Variants in ZNF529 observed in about 807,000 individuals in gnomAD.
The protein encoded by ZNF529 is zinc finger protein 529.
In ZNF529, 11 loss-of-function variants were observed where a neutral mutation model predicts 10.1. The ratio of observed to expected loss-of-function variants is 1.09; its 90% CI spans 0.69 to 1.81. The LOEUF (loss-of-function observed/expected upper bound fraction) is 1.81. ZNF529 is among the 40% of genes most tolerant of loss of function. ZNF529 has a pLI of 0.00. For missense variants in ZNF529, 624 were observed against 666.8 expected (o/e 0.94, Z 0.71); for synonymous variants, 204 against 215.7 (o/e 0.95, Z 0.47).
In ZNF529 at chr19:36,554,620, T is replaced by C. The variant is rs1395522331; in HGVS notation, c.235+50A>G. 5 of 1,394,426 alleles carry C rather than the reference T, an allele frequency of 3.6e-6. No homozygotes were observed. In the East Asian group the frequency reaches 1.1e-4, roughly 30 times the overall value. 86.4% of individuals were successfully genotyped at this position (1,394,426 alleles called of 1,614,324 possible). ...TAGCCTTGAGTTCACTGAATATCAGTTGATAGTCTAGAGAGTATATTCTAA... is the reference window on the plus strand; with the variant it reads ...TAGCCTTGAGTTCACTGAATATCAGCTGATAGTCTAGAGAGTATATTCTAA... On this transcript the variant is annotated intron_variant, in intron 4 of 4. Transcript: ENST00000591340.
At chr19:36,598,698 TCA>T (rs1419558106) in intron 1 of ZNF529, among the ~76,000 whole-genome samples, 1 of 152,104 alleles carries the variant, frequency 6.6e-6, no homozygotes, top group African/African-American at 2.4e-5. Flanking sequence ...ACCTTGTACC[TCA>T]CAGAGTTGTC....
chr19:36,566,934 C>T (rs372654710), intron 2 of ZNF529, among the ~76,000 whole-genome samples: 5 of 151,356 alleles, frequency 3.3e-5, no homozygotes, highest in Admixed American at 1.3e-4. Flanking sequence ...GCAGGAGAAG[C>T]GCTGGAAGGA....
rs1600320433 is a variant in ZNF529 at position 36,573,247 on chromosome 19, C to G, written c.-154G>C. 3 of 312,150 alleles carry G rather than the reference C, an allele frequency of 9.6e-6. No homozygotes were observed. The highest frequency in any genetic ancestry group is 6.6e-6 in the Non-Finnish European group (1 of 151,332). The allele number at this position is 312,150 out of a possible 1,614,324, so 19.3% of individuals were successfully genotyped here. A position where few individuals can be genotyped will look rare whatever the true frequency, so the allele number is the denominator to read the frequency against. On this transcript the variant is annotated 5_prime_UTR_variant, in exon 1 of 5. Coordinates refer to ENST00000591340, the MANE Select transcript of ZNF529 (RefSeq NM_020951.5). ...ACCTCACCGCGAGCTCCTCCCGCAG[C>G]CCGGCCCGGGTCACCTCGACTCGCC...
intron 1 of ZNF529, among the ~76,000 whole-genome samples, chr19:36,602,883 T>C (rs543745332): frequency 6.8e-6 from 1 of 147,564 alleles, no homozygotes; most frequent in South Asian, 2.1e-4. Flanking sequence ...TGAGCCAAGA[T>C]CGCACCATTG....
intron 2 of ZNF529, among the ~76,000 whole-genome samples, chr19:36,568,044 G>A (rs1383688822): frequency 6.6e-6 from 1 of 152,082 alleles, no homozygotes; most frequent in African/African-American, 2.4e-5. Flanking sequence ...TGAACAAATG[G>A]TCAACAAGTA....
rs2034949788 is a variant in ZNF529, at chr19:36,544,773, C to G, written c.*2093G>C. ...TAAGCAATACTTACATAAAACATAG[C>G]TCAATATATCAGATGAGAAAATGGC... On this transcript the variant is annotated 3_prime_UTR_variant, in exon 5 of 5. Coordinates refer to ENST00000591340, the MANE Select transcript of ZNF529 (RefSeq NM_020951.5). The G allele has an allele frequency of 6.6e-6, 1 of 152,134 alleles. No individual in the cohort carries two copies. The highest frequency in any genetic ancestry group is 2.1e-4 in the South Asian group (1 of 4,818). 9.4% of individuals were successfully genotyped at this position (152,134 alleles called of 1,614,324 possible). A position where few individuals can be genotyped will look rare whatever the true frequency, so the allele number is the denominator to read the frequency against.
Position 36,547,735 on chromosome 19 carries a change from C to G in ZNF529, c.823G>C (p.Val275Leu). ...RVGKVTPLQRVHDGEKHFECS... is the reference protein window; with the variant it reads ...RVGKVTPLQRLHDGEKHFECS... The stretch of plus-strand genomic sequence containing the variant: ...TCAAAGTGTTTCTCACCATCATGAA[C>G]TCTTTGAAGTGGAGTAACTTTTCCA... Residue 275 changes from valine to leucine, a missense_variant, in exon 5 of 5, where the codon GTT becomes CTT. Val to Leu is a conservative substitution (Grantham distance 32). Coordinates refer to ENST00000591340, the MANE Select transcript of ZNF529 (RefSeq NM_020951.5). 1 of 1,613,836 alleles carries G rather than the reference C, an allele frequency of 6.2e-7. No individual in the cohort carries two copies. Among genetic ancestry groups the G allele is most frequent in the Non-Finnish European group, 8.5e-7 (1 of 1,179,818 alleles).
At chr19:36,598,791 A>G (rs909618559) in intron 1 of ZNF529, among the ~76,000 whole-genome samples, 5 of 152,180 alleles carry the variant, frequency 3.3e-5, no homozygotes, top group African/African-American at 1.2e-4. Context: ...AATAAATATC[A>G]TCTATTTGTA....
chr19:36,578,592 A>G (rs2036393126), intron 2 of ZNF529, among the ~76,000 whole-genome samples: 1 of 150,132 alleles, frequency 6.7e-6, no homozygotes, highest in East Asian at 2.0e-4. Flanking sequence ...GGCATGAGCC[A>G]CTGCACTCCA....
At chr19:36,569,924 G>A (rs1277406683) in intron 2 of ZNF529, among the ~76,000 whole-genome samples, 2 of 152,170 alleles carry the variant, frequency 1.3e-5, no homozygotes, top group African/African-American at 2.4e-5. Context: ...GTATATCTGA[G>A]GTCTTAGCCA....
intron 2 of ZNF529, among the ~76,000 whole-genome samples, chr19:36,569,538 G>A (rs1275204951): frequency 6.6e-6 from 1 of 152,086 alleles, no homozygotes; most frequent in Non-Finnish European, 1.5e-5. Flanking sequence ...GCTGAGGCGG[G>A]CAAACAACAC....
intron 2 of ZNF529, among the ~76,000 whole-genome samples, chr19:36,583,523 C>T (rs112173755): frequency 0.01 from 1,466 of 145,330 alleles, 28 homozygotes; most frequent in African/African-American, 0.036. Flanking sequence ...ACAAAGCATA[C>T]CTCTGCCCCA....
chr19:36,547,677 T>C lies in ZNF529; in HGVS notation c.881A>G (p.His294Arg). 1 of 1,613,928 alleles carries C rather than the reference T, an allele frequency of 6.2e-7. No homozygotes were observed. The highest frequency in any genetic ancestry group is 8.5e-7 in the Non-Finnish European group (1 of 1,179,842). Residue 294 changes from histidine to arginine, a missense_variant, in exon 5 of 5, where the codon CAT becomes CGT. By Grantham distance (29) the His-to-Arg change is conservative. Coordinates refer to ENST00000591340, the MANE Select transcript of ZNF529 (RefSeq NM_020951.5). Reference protein sequence around the residue: ...CSFCGKSFRVHAQLTRHQKIH... With the variant: ...CSFCGKSFRVRAQLTRHQKIH... ...TTTCTGATGTCGAGTAAGTTGTGCA[T>C]GCACTCTAAAGGATTTCCCACAGAA...
At chr19:36,556,825 CAG>C (rs1410689869) in intron 2 of ZNF529, among the ~76,000 whole-genome samples, 3 of 152,174 alleles carry the variant, frequency 2.0e-5, no homozygotes, top group Non-Finnish European at 2.9e-5. Flanking sequence ...GGCCATAGAA[CAG>C]AGAGTTCTGT....
chr19:36,574,800 G>A (rs1021236728), upstream of ZNF529: 2 of 470,450 alleles, frequency 4.3e-6, no homozygotes, highest in Non-Finnish European at 4.4e-6. Context: ...TTCTGTTGTT[G>A]AACATTTGGC....
chr19:36,592,102 C>A (rs1173498404), intron 1 of ZNF529, among the ~76,000 whole-genome samples: 2 of 151,050 alleles, frequency 1.3e-5, no homozygotes, highest in African/African-American at 4.9e-5. Flanking sequence ...TGGTGAAACC[C>A]TGTCTCTACT....
intron 2 of ZNF529, among the ~76,000 whole-genome samples, chr19:36,568,917 T>C (rs910878007): frequency 6.6e-5 from 10 of 152,166 alleles, no homozygotes; most frequent in African/African-American, 4.8e-5. Context: ...ATAAGATCAG[T>C]ATGCAAAACT....
Position 36,547,173 on chromosome 19 carries a change from G to A in ZNF529, c.1385C>T (p.Thr462Met), listed in dbSNP as rs377492229. The A allele has an allele frequency of 1.9e-5, 31 of 1,612,406 alleles. No homozygotes were observed. Among genetic ancestry groups the A allele is most frequent in the Middle Eastern group, 1.6e-4 (1 of 6,064 alleles). Residue 462 changes from threonine to methionine, a missense_variant, in exon 5 of 5, where the codon ACG (threonine) becomes ATG (methionine). Coordinates refer to ENST00000591340, the MANE Select transcript of ZNF529 (RefSeq NM_020951.5). Reference sequence around the variant, plus strand: ...TCTTTGATGTTGAATAAGGGCTGACGTAAGTCTAAAGAACTTTCCACACTC... The same window carrying A: ...TCTTTGATGTTGAATAAGGGCTGACATAAGTCTAAAGAACTTTCCACACTC... ...CKECGKFFRL[T>M]SALIQHQRIH...
At chr19:36,578,104 A>G (rs1355842684), upstream of ZNF529, among the ~76,000 whole-genome samples, 27 of 108,740 alleles carry the variant, frequency 2.5e-4, 1 homozygote, top group Non-Finnish European at 2.9e-4. Context: ...TAACTCTGTC[A>G]CCCAGGCTGG....
Sources: gnomAD v4.1 joint callset for allele counts (sites outside exome capture counted in the v4.1 genomes callset) on GRCh38, gnomAD v4.1.1 for gene constraint, MANE v1.5 for transcripts, NCBI Gene and HGNC (gene_info 2026-07-23, HGNC 2026-07-21) for gene names.